CEP97: variants seen among roughly 807,000 people sequenced by gnomAD.
CEP97 encodes centrosomal protein of 97 kDa.
Under a neutral mutation model 73.1 loss-of-function variants are expected in CEP97, and 43 were observed. That is an observed-to-expected ratio of 0.59 (90% CI 0.46 to 0.76). The LOEUF is 0.76. Among genes scored for constraint, CEP97 ranks in the 30% least tolerant of loss-of-function variants. CEP97 has a pLI of 0.00. For missense variants in CEP97, 939 were observed against 1,014.0 expected, an observed-to-expected ratio of 0.93 and a Z score of 1.00; for synonymous variants, 337 against 370.0, an observed-to-expected ratio of 0.91 and a Z score of 1.02.
At chr3:101,734,648 C>G (rs1422260598) in intron 6 of CEP97, among the ~76,000 whole-genome samples, 1 of 152,204 alleles carries the variant, frequency 6.6e-6, no homozygotes, top group Non-Finnish European at 1.5e-5. Context: ...AGTTTGCCTA[C>G]AGGAAAGGGT....
chr3:101,732,627 A>G lies in CEP97; in HGVS notation c.701A>G (p.Asp234Gly). ...TGGTGCCTAAACCTCAGAGTCCTAG[A>G]TGGATATGTGATTTCTCAGAAGGAA... is the stretch of plus-strand genomic sequence containing the variant. ...VSWCLNLRVL[D>G]GYVISQKESL... Residue 234 changes from aspartate (D) to glycine (G), a missense_variant, in exon 6 of 11, where the codon GAT becomes GGT. By Grantham distance (94) the Asp-to-Gly change is moderately conservative. Coordinates refer to ENST00000341893, the MANE Select transcript of CEP97 (RefSeq NM_024548.4). The G allele has an allele frequency of 6.2e-7, 1 of 1,611,348 alleles. No individual in the cohort carries two copies. The highest frequency in any genetic ancestry group is 8.5e-7 in the Non-Finnish European group (1 of 1,178,620).
rs1939266753 is a variant in CEP97, at chr3:101,764,842, T to C, written c.1894-5T>C. The C allele has an allele frequency of 2.5e-6, 4 of 1,581,660 alleles. No homozygotes were observed. Among genetic ancestry groups the C allele is most frequent in the Non-Finnish European group, 3.4e-6 (4 of 1,169,602 alleles). On this transcript the variant is annotated splice_region_variant and splice_polypyrimidine_tract_variant and intron_variant, in intron 10 of 10. Coordinates refer to ENST00000341893, the MANE Select transcript of CEP97 (RefSeq NM_024548.4). Reference sequence around the variant, plus strand: ...TATAATACAACTGTATTCTCTGGTTTATAGGTAAGGTCTCTACAGGTTTGG... The same window carrying C: ...TATAATACAACTGTATTCTCTGGTTCATAGGTAAGGTCTCTACAGGTTTGG...
intron 6 of CEP97, among the ~76,000 whole-genome samples, chr3:101,749,301 A>G (rs1045498876): frequency 1.3e-5 from 2 of 150,994 alleles, no homozygotes; most frequent in African/African-American, 2.4e-5. Context: ...AATTTCATCC[A>G]TGTCCCTACA....
Position 101,732,484 on chromosome 3 carries a change from C to G in CEP97, c.562-4C>G, listed in dbSNP as rs752497587. 2 of 1,595,270 alleles carry G rather than the reference C, an allele frequency of 1.3e-6. No homozygotes were observed. Among genetic ancestry groups the G allele is most frequent in the Non-Finnish European group, 1.7e-6 (2 of 1,165,854 alleles). On this transcript the variant is annotated splice_region_variant and splice_polypyrimidine_tract_variant and intron_variant, in intron 5 of 10. Transcript: ENST00000341893. Reference sequence around the variant, plus strand: ...TTGTTCAACAAAGATATCTTTTGTTCCAGATCTCTTTTTTGGCATCCTTAA... The same window carrying G: ...TTGTTCAACAAAGATATCTTTTGTTGCAGATCTCTTTTTTGGCATCCTTAA...
intron 7 of CEP97, among the ~76,000 whole-genome samples, chr3:101,756,303 C>A (rs949083418): frequency 3.9e-5 from 6 of 152,026 alleles, no homozygotes; most frequent in African/African-American, 1.5e-4. Flanking sequence ...AGGTGATCTG[C>A]CCGCCTTGGC....
chr3:101,737,523 G>C (rs1194987173), intron 6 of CEP97, among the ~76,000 whole-genome samples: 2 of 152,140 alleles, frequency 1.3e-5, no homozygotes, highest in African/African-American at 4.8e-5. Flanking sequence ...AGAAGAGAGT[G>C]GGGGCCGATA....
chr3:101,738,699 A>G (rs1938357206), intron 6 of CEP97, among the ~76,000 whole-genome samples: 1 of 152,206 alleles, frequency 6.6e-6, no homozygotes, highest in African/African-American at 2.4e-5. Context: ...GTAGAGGGAA[A>G]TTTATAGCAC....
chr3:101,740,041 A>C (rs1352749782), intron 6 of CEP97, among the ~76,000 whole-genome samples: 1 of 152,210 alleles, frequency 6.6e-6, no homozygotes, highest in Non-Finnish European at 1.5e-5. Flanking sequence ...AAAAGCTGGA[A>C]GCATTCCCTT....
chr3:101,728,900 C>T lies in CEP97; in HGVS notation c.410C>T (p.Ser137Phe), dbSNP rs771502729. 6.3e-7 allele frequency: 1 copy of T among 1,599,636 alleles called. No homozygotes were observed. Among genetic ancestry groups the T allele is most frequent in the Middle Eastern group, 1.7e-4 (1 of 6,034 alleles). ...CTCGATTTATCAGACAATAATATAT[C>T]CCAGATAGGTGATCTATCTAAATTG... ...QHLDLSDNNI[S>F]QIGDLSKLVS... The change falls in exon 4 of 11, where the codon TCC becomes TTC. Residue 137 changes from serine to phenylalanine, a missense_variant. Transcript: ENST00000341893.
At chr3:101,744,497 C>G (rs1310906944) in intron 6 of CEP97, among the ~76,000 whole-genome samples, 3 of 151,250 alleles carry the variant, frequency 2.0e-5, no homozygotes, top group African/African-American at 4.9e-5. Context: ...GCAGGAAAAT[C>G]ACTTGAACCC....
At chr3:101,755,405 T>C in intron 6 of CEP97, 25 bp from the exon 7 acceptor site, 8 of 1,610,376 alleles carry the variant, frequency 5.0e-6, no homozygotes, top group Non-Finnish European at 5.9e-6. Context: ...TGCCATCTCC[T>C]CTTTTTTATG....
At position 101,737,436 on chromosome 3, in the gene CEP97, C is replaced by A. The variant is rs546652140; in HGVS notation, c.728+4782C>A. ...ATGAAGGAAAAAATGTTAAGGGCAA[C>A]CAGTGAGTAAAGTCAAGTTACAAAG... On this transcript the variant is annotated intron_variant, in intron 6 of 10. Coordinates refer to ENST00000341893, the MANE Select transcript of CEP97 (RefSeq NM_024548.4). 2.0e-5 allele frequency among the ~76,000 whole-genome samples: 3 copies of A among 152,216 alleles called. No homozygotes were observed. The South Asian group carries it at 6.2e-4, about 32-fold the overall frequency.
rs541239291 is a variant in CEP97 at position 101,744,600 on chromosome 3, A to T, written c.729-10830A>T. Reference sequence around the variant, plus strand: ...CTCTGTCTCAAAAAAAAAAAAAAAAAGGATAGAGTTACTCTCAAACTAGGA... The same window carrying T: ...CTCTGTCTCAAAAAAAAAAAAAAAATGGATAGAGTTACTCTCAAACTAGGA... On this transcript the variant is annotated intron_variant, in intron 6 of 10. Coordinates refer to ENST00000341893, the MANE Select transcript of CEP97 (RefSeq NM_024548.4). 3.3e-4 allele frequency among the ~76,000 whole-genome samples: 50 copies of T among 151,570 alleles called. No individual in the cohort carries two copies. The South Asian group carries it at 0.01, about 32-fold the overall frequency.
At chr3:101,752,616 C>G (rs1393140645) in intron 6 of CEP97, among the ~76,000 whole-genome samples, 1 of 152,086 alleles carries the variant, frequency 6.6e-6, no homozygotes, top group Non-Finnish European at 1.5e-5. Context: ...TTTCTGTAAA[C>G]TTCCCTTCTC....
chr3:101,766,587 C>T lies in CEP97; in HGVS notation c.*1036C>T, dbSNP rs1325328607. The T allele has an allele frequency of 6.6e-6, 1 of 152,042 alleles. No individual in the cohort carries two copies. Among genetic ancestry groups the T allele is most frequent in the Non-Finnish European group, 1.5e-5 (1 of 67,940 alleles). 9.4% of individuals were successfully genotyped at this position (152,042 alleles called of 1,614,324 possible). On this transcript the variant is annotated 3_prime_UTR_variant, in exon 11 of 11. Transcript: ENST00000341893. ...CTGAAAAAGTTCCACATTTGGAAGA[C>T]AATTTAATGATGGTGAAGAAATAAT...
intron 9 of CEP97, chr3:101,758,758 T>A (rs78943952): frequency 0.039 from 9,024 of 232,450 alleles, 240 homozygotes; most frequent in Non-Finnish European, 0.055. Context: ...GAGAAGATGA[T>A]GAAGTCTACA....
chr3:101,752,910 C>T lies in CEP97; in HGVS notation c.729-2520C>T, dbSNP rs562279290. Among the ~76,000 whole-genome samples, 11 of 152,306 alleles carry T rather than the reference C, an allele frequency of 7.2e-5. No individual in the cohort carries two copies. The East Asian group carries it at 9.7e-4, about 13-fold the overall frequency. On this transcript the variant is annotated intron_variant, in intron 6 of 10. Coordinates refer to ENST00000341893, the MANE Select transcript of CEP97 (RefSeq NM_024548.4). ...CTCTCAGCTCGTCAAAGTCATTCTC[C>T]GTCCAGCTTTGTTCCGTTGCTGGTG...
At chr3:101,748,636 G>A (rs1173570008) in intron 6 of CEP97, among the ~76,000 whole-genome samples, 1 of 152,090 alleles carries the variant, frequency 6.6e-6, no homozygotes, top group South Asian at 2.1e-4. Flanking sequence ...ATGTTTCCAT[G>A]GAAGAATACT....
Position 101,765,540 on chromosome 3 carries a change from G to A in CEP97, c.2587G>A (p.Val863Ile), listed in dbSNP as rs1185494818. Residue 863 changes from valine (V) to isoleucine (I), a missense_variant, in exon 11 of 11, where the codon GTT (valine) becomes ATT (isoleucine). Physicochemically the swap from Val to Ile is conservative, Grantham distance 29. Transcript: ENST00000341893. Reference sequence around the variant, plus strand: ...TACATTTCAGCTATTGCATGTTGGTGTTACTGTGTAGCATGTCTTTTGGGA... The same window carrying A: ...TACATTTCAGCTATTGCATGTTGGTATTACTGTGTAGCATGTCTTTTGGGA... ...DSTFQLLHVG[V>I]TV is the part of the protein sequence containing the mutation. 1.1e-5 allele frequency: 18 copies of A among 1,608,614 alleles called. No homozygotes were observed. The highest frequency in any genetic ancestry group is 1.4e-5 in the Non-Finnish European group (16 of 1,176,110).
Sources: gnomAD v4.1 joint callset for allele counts (sites outside exome capture counted in the v4.1 genomes callset) on GRCh38, gnomAD v4.1.1 for gene constraint, MANE v1.5 for transcripts, NCBI Gene and HGNC (gene_info 2026-07-23, HGNC 2026-07-21) for gene names.